AK3: variants seen among roughly 807,000 people sequenced by gnomAD.
AK3 encodes the protein adenylate kinase 3.
In AK3, 27 loss-of-function variants were observed where a neutral mutation model predicts 23.7. That is an observed-to-expected ratio of 1.14 (90% confidence interval 0.84 to 1.57). The LOEUF (loss-of-function observed/expected upper bound fraction) is 1.57, where lower values mean the gene tolerates loss of function less well. Ranked by LOEUF, AK3 falls within the 40% of genes most tolerant of loss-of-function variation. The pLI, the probability that AK3 is intolerant of heterozygous loss-of-function variation, is 0.00. For missense variants in AK3, 406 were observed against 285.6 expected (o/e 1.42, Z -3.04); for synonymous variants, 159 against 116.0 (o/e 1.37, Z -2.38).
At chr9:4,718,689 G>T in intron 3 of AK3, 152 bp from the exon 4 acceptor site, 3 of 622,222 alleles carry the variant, frequency 4.8e-6, no homozygotes, top group Non-Finnish European at 8.4e-6. Flanking sequence ...AACCTCAAAA[G>T]AGATCATCGC....
chr9:4,738,344 T>G (rs1393355482), intron 1 of AK3, among the ~76,000 whole-genome samples: 1 of 152,162 alleles, frequency 6.6e-6, no homozygotes, highest in Non-Finnish European at 1.5e-5. Flanking sequence ...TTTTGTATTT[T>G]TAGTAGAGAC....
rs142691641 is a variant in AK3 at position 4,740,962 on chromosome 9, G to T, written c.126C>A (p.Leu42=). ...CTGTGCCCCGCAGCATGTTGTCCCG[G>T]AGCAGGTCCCCGCTGGAGAGGTGCT... ...ELKHLSSGDL[L]RDNMLRGTEI... The change falls in exon 1 of 5, where the codon CTC becomes CTA. Residue 42 remains leucine (L), a synonymous_variant. Coordinates refer to ENST00000381809, the MANE Select transcript of AK3 (RefSeq NM_016282.4). 124 of 1,583,136 alleles carry T rather than the reference G, an allele frequency of 7.8e-5. 1 individual carries two copies. The East Asian group carries it at 2.8e-3, about 35-fold the overall frequency.
Position 4,714,079 on chromosome 9 carries a change from TAC to T in AK3, c.564-985_564-984del, listed in dbSNP as rs144349073. Among the ~76,000 whole-genome samples, 23 of 5,262 alleles carry T rather than the reference TAC, an allele frequency of 4.4e-3. 2 individuals carry two copies. Among genetic ancestry groups the T allele is most frequent in the Non-Finnish European group, 5.9e-3 (13 of 2,204 alleles). The allele number at this position is 5,262 out of a possible 152,430, so 3.5% of individuals were successfully genotyped here. On this transcript the variant is annotated intron_variant, in intron 4 of 4. Coordinates refer to ENST00000381809, the MANE Select transcript of AK3 (RefSeq NM_016282.4). ...CTACACATATACACACCTACACATA[TAC>T]ACACCTACACATATACACACCTACA... is the stretch of plus-strand genomic sequence containing the variant.
chr9:4,737,645 G>A (rs933277232), intron 1 of AK3, among the ~76,000 whole-genome samples: 5 of 152,200 alleles, frequency 3.3e-5, no homozygotes, highest in African/African-American at 4.8e-5. Context: ...CTTGAACCCA[G>A]GAGTCGGAGG....
chr9:4,711,675 C>T lies in AK3; in HGVS notation c.*1301G>A, dbSNP rs1841565754. Reference sequence around the variant, plus strand: ...GTAAGAGTAAATATGCCATGGAAGACATAATCAAGTTTTTCCTCCATCTCT... The same window carrying T: ...GTAAGAGTAAATATGCCATGGAAGATATAATCAAGTTTTTCCTCCATCTCT... On this transcript the variant is annotated 3_prime_UTR_variant, in exon 5 of 5. Transcript: ENST00000381809. 6.6e-6 allele frequency: 1 copy of T among 152,240 alleles called. No homozygotes were observed. The highest frequency in any genetic ancestry group is 6.5e-5 in the Admixed American group (1 of 15,286). The allele number at this position is 152,240 out of a possible 1,614,324, so 9.4% of individuals were successfully genotyped here.
chr9:4,729,833 TAAA>T (rs55934908), intron 1 of AK3, among the ~76,000 whole-genome samples: 1 of 132,792 alleles, frequency 7.5e-6, no homozygotes, highest in African/African-American at 2.9e-5. Flanking sequence ...CTGTGTCTCT[TAAA>T]AAAAAAAAAA....
chr9:4,725,488 G>T (rs1433356083), intron 1 of AK3, among the ~76,000 whole-genome samples: 1 of 151,940 alleles, frequency 6.6e-6, no homozygotes, highest in Non-Finnish European at 1.5e-5. Context: ...AGAAAGTGAG[G>T]CCGGGTGCAG....
At chr9:4,729,015 A>ATATATATATATATATT (rs71326127) in intron 1 of AK3, among the ~76,000 whole-genome samples, 3 of 129,432 alleles carry the variant, frequency 2.3e-5, no homozygotes, top group East Asian at 2.4e-4. Flanking sequence ...ATATATATAT[A>ATATATATATATATATT]TTTTTTTTTT....
chr9:4,720,577 C>T (rs987307681), intron 2 of AK3, among the ~76,000 whole-genome samples: 10 of 151,848 alleles, frequency 6.6e-5, no homozygotes, highest in African/African-American at 2.2e-4. Flanking sequence ...ATGGTCCCAG[C>T]TACTCAGGAG....
At chr9:4,740,347 C>G (rs1842399265) in intron 1 of AK3, among the ~76,000 whole-genome samples, 1 of 152,038 alleles carries the variant, frequency 6.6e-6, no homozygotes, top group South Asian at 2.1e-4. Context: ...TTTATAGAAC[C>G]ATGCACAAGA....
Position 4,710,665 on chromosome 9 carries a change from T to C in AK3, c.*2311A>G, listed in dbSNP as rs76737444. 0.027 allele frequency: 4,089 copies of C among 152,232 alleles called. 85 individuals carry two copies. Among genetic ancestry groups the C allele is most frequent in the Non-Finnish European group, 0.042 (2,882 of 68,018 alleles). 9.4% of individuals were successfully genotyped at this position (152,232 alleles called of 1,614,324 possible). A position where few individuals can be genotyped will look rare whatever the true frequency, so the allele number is the denominator to read the frequency against. On this transcript the variant is annotated 3_prime_UTR_variant, in exon 5 of 5. Transcript: ENST00000381809. The stretch of plus-strand genomic sequence containing the variant: ...TGGGGGCAGTGGCTTACACCTGTAA[T>C]CTCAGCACTTGGGAAGCTGAATCAG...
intron 4 of AK3, among the ~76,000 whole-genome samples, chr9:4,713,796 G>A (rs578183415): frequency 6.6e-6 from 1 of 151,450 alleles, no homozygotes; most frequent in Non-Finnish European, 1.5e-5. Flanking sequence ...ACATGGTGAA[G>A]AGTGAGATCA....
At position 4,741,064 on chromosome 9, in the gene AK3, C is replaced by G. The variant is rs763700487; in HGVS notation, c.24G>C (p.Leu8=). The G allele has an allele frequency of 6.4e-7, 1 of 1,556,106 alleles. No individual in the cohort carries two copies. Among genetic ancestry groups the G allele is most frequent in the South Asian group, 1.2e-5 (1 of 84,098 alleles). ...CCGGGGCCCCCATGATCACCGCTCG[C>G]AGCAGCCGCGCGGACGCCCCCATGG... is the stretch of plus-strand genomic sequence containing the variant. MGASARL[L]RAVIMGAPGS... Residue 8 remains leucine, a synonymous_variant, in exon 1 of 5, where the codon CTG becomes CTC. Coordinates refer to ENST00000381809, the MANE Select transcript of AK3 (RefSeq NM_016282.4).
rs1170890783 is a variant in AK3, at chr9:4,735,360, T to C, written c.151+5577A>G. 2.2e-4 allele frequency among the ~76,000 whole-genome samples: 9 copies of C among 40,084 alleles called. 2 individuals are homozygous for C. The highest frequency in any genetic ancestry group is 8.0e-4 in the African/African-American group (9 of 11,206). The allele number at this position is 40,084 out of a possible 152,430, so 26.3% of individuals were successfully genotyped here. ...ATATATATACATATATAAATATATA[T>C]ATACATATATAAATATATATACATA... On this transcript the variant is annotated intron_variant, in intron 1 of 4. Transcript: ENST00000381809.
intron 1 of AK3, among the ~76,000 whole-genome samples, chr9:4,732,141 G>A (rs1749248517): frequency 6.6e-6 from 1 of 151,870 alleles, no homozygotes; most frequent in Non-Finnish European, 1.5e-5. Context: ...TTGTAGAGAG[G>A]GAGTCTTGCT....
intron 2 of AK3, 126 bp from the exon 3 acceptor site, chr9:4,719,433 G>A (rs1380926484): frequency 3.4e-6 from 3 of 887,074 alleles, no homozygotes; most frequent in Non-Finnish European, 5.0e-6. Context: ...CAAAAGGAAT[G>A]AGGCTCACCA....
In AK3 at chr9:4,718,486, G is replaced by C; in HGVS notation, c.496C>G (p.Pro166Ala). Residue 166 changes from proline (P) to alanine (A), a missense_variant, in exon 4 of 5, where the codon CCA (proline) becomes GCA (alanine). Physicochemically the swap from Pro to Ala is conservative, Grantham distance 27. Transcript: ENST00000381809. ...TTTAGTCTCTTGATAACCGTCTCTG[G>C]TTTATCATCCTCACGCTGAATGAGA... ...EPLIQREDDK[P>A]ETVIKRLKAY... 1 of 1,613,714 alleles carries C rather than the reference G, an allele frequency of 6.2e-7. No homozygotes were observed. The highest frequency in any genetic ancestry group is 8.5e-7 in the Non-Finnish European group (1 of 1,179,814).
intron 1 of AK3, among the ~76,000 whole-genome samples, chr9:4,733,917 G>A (rs917266029): frequency 6.6e-6 from 1 of 152,152 alleles, no homozygotes; most frequent in African/African-American, 2.4e-5. Context: ...ACCTCCTAGG[G>A]AACTGGAAGC....
At chr9:4,732,865 T>C (rs1266489893) in intron 1 of AK3, among the ~76,000 whole-genome samples, 1 of 123,310 alleles carries the variant, frequency 8.1e-6, no homozygotes, top group East Asian at 2.9e-4. Flanking sequence ...GTTCTCTCTC[T>C]CTCTCTTTTT....
Sources: gnomAD v4.1 joint callset for allele counts (sites outside exome capture counted in the v4.1 genomes callset) on GRCh38, gnomAD v4.1.1 for gene constraint, MANE v1.5 for transcripts, NCBI Gene and HGNC (gene_info 2026-07-23, HGNC 2026-07-21) for gene names.